The following ACER3 variants were observed in gnomAD, a reference collection of about 807,000 sequenced individuals.
ACER3 encodes the protein alkCDase 3.
In ACER3, 16 loss-of-function variants were observed where a neutral mutation model predicts 48.9. The observed-to-expected ratio is 0.33, with a 90% CI of 0.22 to 0.50. The LOEUF (loss-of-function observed/expected upper bound fraction) is 0.50, where lower values mean the gene tolerates loss of function less well. Among genes scored for constraint, ACER3 ranks in the 20% least tolerant of loss-of-function variants. The pLI is 0.98. For synonymous variants in ACER3, 109 were observed against 107.8 expected (o/e 1.01, Z -0.07); for missense variants, 227 against 326.0 (o/e 0.70, Z 2.34).
At chr11:76,914,849 T>G (rs918940005) in intron 1 of ACER3, among the ~76,000 whole-genome samples, 10 of 152,130 alleles carry the variant, frequency 6.6e-5, no homozygotes, top group Admixed American at 2.6e-4. Context: ...ATATACACCA[T>G]GGAATACTAT....
chr11:76,998,113 C>T (rs1948953248), intron 6 of ACER3, among the ~76,000 whole-genome samples: 1 of 152,086 alleles, frequency 6.6e-6, no homozygotes, highest in East Asian at 1.9e-4. Context: ...CAACTATTGG[C>T]TTTATATGTA....
intron 1 of ACER3, among the ~76,000 whole-genome samples, chr11:76,899,859 G>A (rs566173036): frequency 3.3e-5 from 5 of 152,078 alleles, no homozygotes; most frequent in East Asian, 1.9e-4. Context: ...CACAACCCCC[G>A]ACCCCAGTCA....
intron 1 of ACER3, among the ~76,000 whole-genome samples, chr11:76,897,809 T>C (rs1284802849): frequency 6.6e-6 from 1 of 152,206 alleles, no homozygotes; most frequent in East Asian, 1.9e-4. Flanking sequence ...GTTCATCTTT[T>C]AGGTAAAAAT....
Position 76,997,219 on chromosome 11 carries a change from G to A in ACER3, c.439-1544G>A, listed in dbSNP as rs181398593. Among the ~76,000 whole-genome samples, 207 of 152,202 alleles carry A rather than the reference G, an allele frequency of 1.4e-3. 2 individuals carry two copies. Among genetic ancestry groups the A allele is most frequent in the African/African-American group, 4.7e-3 (197 of 41,538 alleles). ...CTTTCTTTTAAGGTAACTGCTACGT[G>A]AGCTTCAGGTATAAAATTTTAAACA... On this transcript the variant is annotated intron_variant, in intron 6 of 10. Coordinates refer to ENST00000532485, the MANE Select transcript of ACER3 (RefSeq NM_018367.7).
intron 7 of ACER3, among the ~76,000 whole-genome samples, chr11:77,013,474 A>T (rs994098236): frequency 6.6e-6 from 1 of 152,340 alleles, no homozygotes; most frequent in East Asian, 1.9e-4. Context: ...TACGTGAAAG[A>T]TGCTCAAAAA....
At chr11:77,005,654 A>G (rs1949119593) in intron 7 of ACER3, among the ~76,000 whole-genome samples, 1 of 151,720 alleles carries the variant, frequency 6.6e-6, no homozygotes, top group African/African-American at 2.4e-5. Context: ...TCCTTGACTT[A>G]TAGCTGCATC....
intron 9 of ACER3, among the ~76,000 whole-genome samples, chr11:77,018,696 A>G (rs1949418469): frequency 6.6e-6 from 1 of 152,242 alleles, no homozygotes. Flanking sequence ...AGAAATTTCT[A>G]GTAGTCTGGA....
At chr11:77,018,548 T>C (rs995996989) in intron 9 of ACER3, among the ~76,000 whole-genome samples, 2 of 152,270 alleles carry the variant, frequency 1.3e-5, no homozygotes, top group South Asian at 2.1e-4. Context: ...AAAGCTGAGA[T>C]AGGCCAAAAG....
intron 1 of ACER3, among the ~76,000 whole-genome samples, chr11:76,903,426 G>GA (rs1201491554): frequency 6.6e-6 from 1 of 151,568 alleles, no homozygotes; most frequent in Non-Finnish European, 1.5e-5. Context: ...TCAACTAAAT[G>GA]AATGGAAACG....
intron 1 of ACER3, among the ~76,000 whole-genome samples, chr11:76,905,512 T>C (rs1301095257): frequency 6.6e-6 from 1 of 152,200 alleles, no homozygotes; most frequent in Non-Finnish European, 1.5e-5. Context: ...CAAGACCCCT[T>C]TCCATTTCTT....
At chr11:77,019,610 T>C in intron 9 of ACER3, 121 bp from the exon 10 acceptor site, 2 of 857,812 alleles carry the variant, frequency 2.3e-6, no homozygotes, top group Admixed American at 3.8e-5. Context: ...AAATGAAGCA[T>C]ATACTCATGT....
chr11:76,993,988 A>T (rs983642337), intron 6 of ACER3, among the ~76,000 whole-genome samples: 42 of 152,198 alleles, frequency 2.8e-4, no homozygotes, highest in Admixed American at 6.5e-5. Flanking sequence ...GTGAATTGGT[A>T]ACTCTTGCAC....
At chr11:76,892,360 C>T (rs1247721398) in intron 1 of ACER3, among the ~76,000 whole-genome samples, 1 of 151,928 alleles carries the variant, frequency 6.6e-6, no homozygotes. Flanking sequence ...AAAATAAAAA[C>T]CAGGTTTTAA....
At chr11:76,862,285 C>CA (rs11325230) in intron 1 of ACER3, among the ~76,000 whole-genome samples, 3,271 of 145,184 alleles carry the variant, frequency 0.023, 103 homozygotes, top group African/African-American at 0.073. Context: ...GGCTAAGTTT[C>CA]AAAAAAAAAA....
rs532775848 is a variant in ACER3 at position 77,021,399 on chromosome 11, C to T, written c.*1072C>T. On this transcript the variant is annotated 3_prime_UTR_variant, in exon 11 of 11. Coordinates refer to ENST00000532485, the MANE Select transcript of ACER3 (RefSeq NM_018367.7). ...TTCTGCTACTTGAAACCTACAGAAC[C>T]GACAAAAATTAGGGTGCTAAAAAAA... 2.0e-5 allele frequency: 3 copies of T among 152,070 alleles called. No homozygotes were observed. Among genetic ancestry groups the T allele is most frequent in the Non-Finnish European group, 2.9e-5 (2 of 68,004 alleles). 9.4% of individuals were successfully genotyped at this position (152,070 alleles called of 1,614,324 possible). A position where few individuals can be genotyped will look rare whatever the true frequency, so the allele number is the denominator to read the frequency against.
At chr11:76,960,424 C>A (rs1455154767) in intron 3 of ACER3, among the ~76,000 whole-genome samples, 3 of 151,662 alleles carry the variant, frequency 2.0e-5, no homozygotes, top group Admixed American at 1.3e-4. Flanking sequence ...TAATAATAAT[C>A]ATAATAAATT....
intron 2 of ACER3, among the ~76,000 whole-genome samples, chr11:76,936,884 T>G (rs567335304): frequency 1.8e-4 from 27 of 152,154 alleles, no homozygotes; most frequent in South Asian, 8.3e-4. Context: ...GCCCAGCTAA[T>G]TTTTGTATTT....
intron 3 of ACER3, chr11:76,959,257 G>A: frequency 7.3e-7 from 1 of 1,368,776 alleles, no homozygotes; most frequent in Non-Finnish European, 9.4e-7. Flanking sequence ...CCATCTCTGT[G>A]CGGGCATATA....
chr11:76,926,814 C>A (rs1460695265), intron 2 of ACER3, 147 bp downstream of exon 2: 5 of 525,182 alleles, frequency 9.5e-6, no homozygotes, highest in Non-Finnish European at 1.3e-5. Context: ...AAAAACCTTG[C>A]CAGTGAATTG....
Sources: gnomAD v4.1 joint callset for allele counts (sites outside exome capture counted in the v4.1 genomes callset) on GRCh38, gnomAD v4.1.1 for gene constraint, MANE v1.5 for transcripts, NCBI Gene and HGNC (gene_info 2026-07-23, HGNC 2026-07-21) for gene names.